The following RARB variants were observed in gnomAD, a reference collection of about 807,000 sequenced individuals.
The protein encoded by RARB is retinoic acid receptor beta, also known as HBV-activated protein.
Under a neutral mutation model 51.9 loss-of-function variants are expected in RARB, and 17 were observed. The observed-to-expected ratio is 0.33, with a 90% CI of 0.22 to 0.49. RARB has a LOEUF of 0.49. Ranked by LOEUF, RARB falls within the 20% of genes least tolerant of loss-of-function variation. The pLI, the probability that RARB is intolerant of heterozygous loss-of-function variation, is 0.99. For synonymous variants in RARB, 215 were observed against 195.4 expected (o/e 1.10, Z -0.84); for missense variants, 369 against 550.8 (o/e 0.67, Z 3.30).
intron 5 of RARB, among the ~76,000 whole-genome samples, chr3:25,299,554 C>A (rs1360178785): frequency 1.3e-5 from 2 of 152,144 alleles, no homozygotes; most frequent in Non-Finnish European, 2.9e-5. Flanking sequence ...CACAGTATTA[C>A]AAGCAGTGCC....
At chr3:25,115,261 A>G (rs1050246875) in intron 3 of RARB, among the ~76,000 whole-genome samples, 1 of 152,210 alleles carries the variant, frequency 6.6e-6, no homozygotes, top group Admixed American at 6.5e-5. Context: ...GAAGTATAAC[A>G]TTTAACATAA....
At chr3:25,153,604 G>GA (rs57752024) in intron 4 of RARB, among the ~76,000 whole-genome samples, 5 of 152,272 alleles carry the variant, frequency 3.3e-5, no homozygotes, top group African/African-American at 1.2e-4. Flanking sequence ...TAAACAATGT[G>GA]AAAACCTTCT....
At chr3:25,330,932 C>G (rs897400595) in intron 5 of RARB, among the ~76,000 whole-genome samples, 2 of 152,120 alleles carry the variant, frequency 1.3e-5, no homozygotes, top group Non-Finnish European at 2.9e-5. Context: ...CAAAGAAGGC[C>G]ATTACATAAT....
intron 5 of RARB, among the ~76,000 whole-genome samples, chr3:25,365,869 G>A (rs1706102767): frequency 1.3e-5 from 2 of 152,132 alleles, no homozygotes; most frequent in Admixed American, 1.3e-4. Flanking sequence ...GTGACCTAAT[G>A]TCAGCAATCA....
intron 5 of RARB, among the ~76,000 whole-genome samples, chr3:25,235,872 C>A (rs900454026): frequency 1.3e-5 from 2 of 152,138 alleles, no homozygotes; most frequent in African/African-American, 2.4e-5. Context: ...AACAGTGCCA[C>A]ATATTACTCC....
At chr3:25,169,989 TAAAAAAAAAAAAAAAAAAAGAAAG>T (rs1700616618) in intron 4 of RARB, among the ~76,000 whole-genome samples, 1 of 137,486 alleles carries the variant, frequency 7.3e-6, no homozygotes, top group South Asian at 2.5e-4. Flanking sequence ...CCTTATTTCT[TAAAAAAAAAAAAAAAAAAAGAAAG>T]AAAAAAAAAA....
intron 5 of RARB, among the ~76,000 whole-genome samples, chr3:25,418,256 A>G (rs1354973356): frequency 6.6e-6 from 1 of 152,212 alleles, no homozygotes; most frequent in Non-Finnish European, 1.5e-5. Flanking sequence ...TAAGTTTGCC[A>G]CAGAGTAGTA....
chr3:25,195,417 A>G (rs1007851360), intron 5 of RARB, among the ~76,000 whole-genome samples: 14 of 152,050 alleles, frequency 9.2e-5, no homozygotes, highest in African/African-American at 3.4e-4. Flanking sequence ...CAGCAGTAAC[A>G]TGCTAAAGTA....
intron 5 of RARB, among the ~76,000 whole-genome samples, chr3:25,186,004 T>A (rs1700967010): frequency 6.6e-6 from 1 of 152,000 alleles, no homozygotes; most frequent in Non-Finnish European, 1.5e-5. Context: ...AACAAAGGAG[T>A]ATTATGGAAT....
chr3:24,940,263 T>G (rs538282238), intron 2 of RARB, among the ~76,000 whole-genome samples: 2 of 152,240 alleles, frequency 1.3e-5, no homozygotes, highest in South Asian at 4.2e-4. Flanking sequence ...TTCTTTCTAT[T>G]CAGCCATGGA....
chr3:25,330,539 A>T (rs322687), intron 5 of RARB, among the ~76,000 whole-genome samples: 2 of 152,140 alleles, frequency 1.3e-5, no homozygotes, highest in Admixed American at 1.3e-4. Context: ...AGGAACAACC[A>T]GTACCAGCCA....
intron 3 of RARB, among the ~76,000 whole-genome samples, chr3:25,504,860 C>T (rs190306262): frequency 1.2e-4 from 18 of 148,518 alleles, no homozygotes; most frequent in Non-Finnish European, 2.4e-4. Context: ...TGGGTTCAAG[C>T]GATACTCCTG....
chr3:25,516,065 C>G (rs1698147296), intron 3 of RARB, among the ~76,000 whole-genome samples: 1 of 152,130 alleles, frequency 6.6e-6, no homozygotes, highest in Non-Finnish European at 1.5e-5. Flanking sequence ...CTTTTCACTT[C>G]AGCTTTGAAT....
chr3:25,551,815 C>A (rs1313396263), intron 3 of RARB, among the ~76,000 whole-genome samples: 1 of 152,174 alleles, frequency 6.6e-6, no homozygotes, highest in Non-Finnish European at 1.5e-5. Flanking sequence ...GCAGATGTCT[C>A]AAGTTGAGTG....
At chr3:25,085,293 C>G (rs1488147320) in intron 3 of RARB, among the ~76,000 whole-genome samples, 1 of 152,122 alleles carries the variant, frequency 6.6e-6, no homozygotes, top group East Asian at 1.9e-4. Context: ...TACATTGAAG[C>G]ATGAACTAAT....
chr3:25,104,026 G>A (rs1373565881), intron 3 of RARB, among the ~76,000 whole-genome samples: 1 of 152,166 alleles, frequency 6.6e-6, no homozygotes, highest in South Asian at 2.1e-4. Context: ...ATGCCGTACA[G>A]TTTCTACCTT....
intron 4 of RARB, among the ~76,000 whole-genome samples, chr3:25,134,827 A>G (rs1001207485): frequency 1.9e-5 from 2 of 107,062 alleles, no homozygotes; most frequent in Admixed American, 1.2e-4. Flanking sequence ...CTTAACCGTC[A>G]CTGCCTCTAC....
At chr3:25,449,440 T>C (rs910512486) in intron 1 of RARB, among the ~76,000 whole-genome samples, 1 of 152,188 alleles carries the variant, frequency 6.6e-6, no homozygotes, top group African/African-American at 2.4e-5. Context: ...GTTTTACTTT[T>C]GTTCTTTATG....
At chr3:24,907,539 C>T (rs1028492390) in intron 2 of RARB, among the ~76,000 whole-genome samples, 8 of 152,082 alleles carry the variant, frequency 5.3e-5, no homozygotes, top group African/African-American at 1.9e-4. Context: ...TCCAAAGCAT[C>T]CCGTGGATTT....
Sources: allele counts gnomAD v4.1 joint callset (sites outside exome capture counted in the v4.1 genomes callset), GRCh38; gene constraint gnomAD v4.1.1; transcripts MANE v1.5; gene names NCBI Gene and HGNC (gene_info 2026-07-23, HGNC 2026-07-21).